EYA4: variants seen among roughly 807,000 people sequenced by gnomAD.
The protein encoded by EYA4 is EYA transcriptional coactivator and phosphatase 4.
EYA4 carries 31 observed loss-of-function variants against 87.9 expected under a neutral mutation model. The ratio of observed to expected loss-of-function variants is 0.35; its 90% CI spans 0.27 to 0.48. EYA4 has a LOEUF of 0.48. Ranked by LOEUF, EYA4 falls within the 20% of genes least tolerant of loss-of-function variation. The pLI is 0.99. For synonymous variants in EYA4, 263 were observed against 270.6 expected, an observed-to-expected ratio of 0.97 and a Z score of 0.28; for missense variants, 678 against 761.4, an observed-to-expected ratio of 0.89 and a Z score of 1.29.
upstream of EYA4, chr6:133,241,292 C>T (rs912066819): frequency 1.3e-5 from 2 of 152,018 alleles, no homozygotes; most frequent in African/African-American, 4.8e-5. Context: ...CCCCGCCCCA[C>T]CTCCCTGCGC....
At chr6:133,510,631 A>G (rs1799062017) in intron 14 of EYA4, 3 of 232,660 alleles carry the variant, frequency 1.3e-5, no homozygotes, top group Middle Eastern at 3.0e-3. Context: ...TTTGGACTGC[A>G]CTCCTTTCAG....
At position 133,528,709 on chromosome 6, in the gene EYA4, T is replaced by C. The variant is rs1039495587; in HGVS notation, c.1840-16T>C. ...TCCCCTTCTCTCTCCCATCCCTCCT[T>C]CTCCTAACCACACAGCACAACATGC... On this transcript the variant is annotated splice_polypyrimidine_tract_variant and intron_variant, in intron 19 of 19. Coordinates refer to ENST00000355286, the MANE Select transcript of EYA4 (RefSeq NM_004100.5). 5.7e-6 allele frequency: 9 copies of C among 1,583,486 alleles called. No homozygotes were observed. The highest frequency in any genetic ancestry group is 7.8e-6 in the Non-Finnish European group (9 of 1,152,406).
chr6:133,391,507 G>A (rs768917634), intron 3 of EYA4, among the ~76,000 whole-genome samples: 24 of 152,092 alleles, frequency 1.6e-4, no homozygotes, highest in Non-Finnish European at 3.2e-4. Context: ...TCACCGTTCT[G>A]TGTCTTTATC....
chr6:133,335,787 A>C (rs748377770), intron 2 of EYA4, among the ~76,000 whole-genome samples: 4 of 152,124 alleles, frequency 2.6e-5, no homozygotes, highest in Admixed American at 6.6e-5. Flanking sequence ...CTGTGCGGGT[A>C]AGTAGGGGCC....
intron 2 of EYA4, among the ~76,000 whole-genome samples, chr6:133,380,965 C>G (rs1476616267): frequency 6.7e-6 from 1 of 149,640 alleles, no homozygotes; most frequent in Non-Finnish European, 1.5e-5. Flanking sequence ...TCCTCCTCCT[C>G]CTCTTCTTTC....
Position 133,490,109 on chromosome 6 carries a change from T to A in EYA4, c.1191+6994T>A, listed in dbSNP as rs540699592. 8.5e-5 allele frequency among the ~76,000 whole-genome samples: 13 copies of A among 152,246 alleles called. No homozygotes were observed. The East Asian group carries it at 2.5e-3, about 29-fold the overall frequency. On this transcript the variant is annotated intron_variant, in intron 13 of 19. Transcript: ENST00000355286. ...AATCAGTGTTACATTGCCATCAATT[T>A]CAATTAATGAGTTATATTATTTGCA...
At chr6:133,309,739 T>G (rs1168325646) in intron 2 of EYA4, among the ~76,000 whole-genome samples, 1 of 152,158 alleles carries the variant, frequency 6.6e-6, no homozygotes, top group Non-Finnish European at 1.5e-5. Flanking sequence ...GATCTTAAAG[T>G]TCTCTGGCAC....
chr6:133,512,983 T>C lies in EYA4; in HGVS notation c.1446T>C (p.Ala482=). 1 of 1,614,150 alleles carries C rather than the reference T, an allele frequency of 6.2e-7. No homozygotes were observed. Among genetic ancestry groups the C allele is most frequent in the Non-Finnish European group, 8.5e-7 (1 of 1,180,008 alleles). ...GGGTTGACTGGATGAGGAAGTTGGC[T>C]TTTCGTTACAGAAGAGTAAAAGAAT... The part of the protein sequence containing the change: ...RGGVDWMRKL[A]FRYRRVKELY... The change falls in exon 16 of 20, where the codon GCT becomes GCC. Residue 482 remains alanine, a synonymous_variant. Coordinates refer to ENST00000355286, the MANE Select transcript of EYA4 (RefSeq NM_004100.5).
At chr6:133,475,732 C>T (rs763720640) in intron 11 of EYA4, among the ~76,000 whole-genome samples, 1 of 152,086 alleles carries the variant, frequency 6.6e-6, no homozygotes, top group Non-Finnish European at 1.5e-5. Context: ...GGCAGAGGCA[C>T]TGGAATTAAC....
At chr6:133,404,140 G>A (rs2128521359) in intron 3 of EYA4, among the ~76,000 whole-genome samples, 1 of 152,274 alleles carries the variant, frequency 6.6e-6, no homozygotes, top group East Asian at 1.9e-4. Flanking sequence ...TAACAGGAGT[G>A]TCTCAGGAAT....
intron 1 of EYA4, among the ~76,000 whole-genome samples, chr6:133,262,157 A>G (rs974646545): frequency 6.6e-6 from 1 of 152,232 alleles, no homozygotes; most frequent in Non-Finnish European, 1.5e-5. Context: ...CAGGATGATC[A>G]TAAAGTCATC....
At chr6:133,326,576 C>T (rs1037505239) in intron 2 of EYA4, among the ~76,000 whole-genome samples, 2 of 152,184 alleles carry the variant, frequency 1.3e-5, no homozygotes, top group South Asian at 2.1e-4. Flanking sequence ...TAGTTATCAG[C>T]GTTACTATTG....
intron 17 of EYA4, among the ~76,000 whole-genome samples, chr6:133,516,893 A>G (rs1799646794): frequency 6.6e-6 from 1 of 152,112 alleles, no homozygotes; most frequent in Non-Finnish European, 1.5e-5. Context: ...TACATGTACC[A>G]CATTTTCTTT....
At chr6:133,402,037 C>G (rs990567262) in intron 3 of EYA4, among the ~76,000 whole-genome samples, 3 of 152,114 alleles carry the variant, frequency 2.0e-5, no homozygotes, top group Admixed American at 1.3e-4. Flanking sequence ...TGCCCACCAG[C>G]TGTTTCTACT....
chr6:133,312,433 G>T (rs1394936362), intron 2 of EYA4, among the ~76,000 whole-genome samples: 2 of 151,872 alleles, frequency 1.3e-5, no homozygotes, highest in African/African-American at 2.4e-5. Flanking sequence ...GAGAATATGA[G>T]ATCTACCTTA....
intron 2 of EYA4, among the ~76,000 whole-genome samples, chr6:133,340,852 G>T (rs1455339765): frequency 6.6e-6 from 1 of 152,142 alleles, no homozygotes; most frequent in African/African-American, 2.4e-5. Flanking sequence ...TCTGGCTGCT[G>T]TGTGAAGAAA....
At chr6:133,397,053 C>CT (rs1173355927) in intron 3 of EYA4, among the ~76,000 whole-genome samples, 2 of 152,312 alleles carry the variant, frequency 1.3e-5, no homozygotes, top group African/African-American at 4.8e-5. Flanking sequence ...GTGAAGCAGA[C>CT]TTTTAATGGC....
chr6:133,253,879 T>C (rs567438718), intron 1 of EYA4, among the ~76,000 whole-genome samples: 1 of 152,094 alleles, frequency 6.6e-6, no homozygotes, highest in Non-Finnish European at 1.5e-5. Flanking sequence ...CATATCTTTT[T>C]CCCTCCGTAA....
In EYA4 at chr6:133,428,278, T is replaced by C. The variant is rs150911837; in HGVS notation, c.84-18352T>C. On this transcript the variant is annotated intron_variant, in intron 3 of 19. Transcript: ENST00000355286. ...CAACAAAAAATAGTTGTTGAAAACA[T>C]AAATCCATGTGGAATTTCCCCAGAA... Among the ~76,000 whole-genome samples, 136 of 152,238 alleles carry C rather than the reference T, an allele frequency of 8.9e-4. 4 individuals are homozygous for C. The East Asian group carries it at 0.026, about 29-fold the overall frequency.
Sources: gnomAD v4.1 joint callset for allele counts (sites outside exome capture counted in the v4.1 genomes callset) on GRCh38, gnomAD v4.1.1 for gene constraint, MANE v1.5 for transcripts, NCBI Gene and HGNC (gene_info 2026-07-23, HGNC 2026-07-21) for gene names.